Variants in LDLRAD4 observed in about 807,000 individuals in gnomAD.
The protein encoded by LDLRAD4 is low-density lipoprotein receptor class A domain-containing protein 4.
LDLRAD4 carries 5 observed loss-of-function variants against 17.0 expected under a neutral mutation model. The ratio of observed to expected loss-of-function variants is 0.29; its 90% CI spans 0.15 to 0.62. The LOEUF (loss-of-function observed/expected upper bound fraction) is 0.62, where lower values mean the gene tolerates loss of function less well. Among genes scored for constraint, LDLRAD4 ranks in the 20% least tolerant of loss-of-function variants. The probability of loss-of-function intolerance (pLI) is 0.84; values close to 1 mark genes in which losing one functional copy is unlikely to be tolerated. For synonymous variants in LDLRAD4, 168 were observed against 171.8 expected (o/e 0.98, Z 0.17); for missense variants, 340 against 424.7 (o/e 0.80, Z 1.75).
chr18:13,403,693 G>C (rs1374760620), intron 2 of LDLRAD4, among the ~76,000 whole-genome samples: 1 of 152,218 alleles, frequency 6.6e-6, no homozygotes, highest in Non-Finnish European at 1.5e-5. Flanking sequence ...TCTTTCAACA[G>C]GGGATGTTTT....
chr18:13,516,768 T>C (rs2093873779), intron 3 of LDLRAD4, among the ~76,000 whole-genome samples: 1 of 152,196 alleles, frequency 6.6e-6, no homozygotes, highest in African/African-American at 2.4e-5. Flanking sequence ...TCACGATGCT[T>C]CCTGACGGCA....
intron 1 of LDLRAD4, among the ~76,000 whole-genome samples, chr18:13,378,875 G>C (rs2085126582): frequency 6.6e-6 from 1 of 152,352 alleles, no homozygotes. Flanking sequence ...ACTAGGAGAT[G>C]AATCTGACGT....
At chr18:13,248,286 T>C (rs2043066180) in intron 1 of LDLRAD4, among the ~76,000 whole-genome samples, 1 of 152,232 alleles carries the variant, frequency 6.6e-6, no homozygotes, top group African/African-American at 2.4e-5. Context: ...TGAGCTGTGA[T>C]TGTAAGAGCT....
chr18:13,275,789 C>T (rs192558652), upstream of LDLRAD4, among the ~76,000 whole-genome samples: 4 of 152,136 alleles, frequency 2.6e-5, no homozygotes, highest in East Asian at 7.7e-4. Flanking sequence ...ATGTTAAAGG[C>T]CTCCCATGTG....
intron 3 of LDLRAD4, among the ~76,000 whole-genome samples, chr18:13,450,183 C>T (rs957320007): frequency 3.3e-5 from 5 of 152,176 alleles, no homozygotes; most frequent in Admixed American, 2.0e-4. Context: ...CTACCCGTGC[C>T]TCCCACTGAA....
At chr18:13,429,330 G>T (rs1020604759) in intron 2 of LDLRAD4, among the ~76,000 whole-genome samples, 13 of 152,234 alleles carry the variant, frequency 8.5e-5, no homozygotes, top group Admixed American at 8.5e-4. Context: ...CAGAAAACTT[G>T]TTTGCAGCAT....
At chr18:13,579,596 G>C (rs568380009) in intron 3 of LDLRAD4, among the ~76,000 whole-genome samples, 1 of 152,360 alleles carries the variant, frequency 6.6e-6, no homozygotes, top group African/African-American at 2.4e-5. Flanking sequence ...TGTAGTTAAA[G>C]TCTTCCTGGG....
chr18:13,597,219 T>G (rs1285050109), intron 3 of LDLRAD4, among the ~76,000 whole-genome samples: 2 of 152,184 alleles, frequency 1.3e-5, no homozygotes, highest in Non-Finnish European at 2.9e-5. Flanking sequence ...TTAAATAAAT[T>G]TCAGCATATC....
chr18:13,256,118 T>C (rs1325194481), intron 1 of LDLRAD4, among the ~76,000 whole-genome samples: 1 of 152,232 alleles, frequency 6.6e-6, no homozygotes, highest in Non-Finnish European at 1.5e-5. Context: ...GCACTTTGAT[T>C]CCCTGGGAGA....
intron 1 of LDLRAD4, among the ~76,000 whole-genome samples, chr18:13,221,450 G>A (rs901963489): frequency 4.6e-5 from 7 of 152,066 alleles, no homozygotes; most frequent in African/African-American, 1.7e-4. Context: ...CCTATATTAC[G>A]GGTGTACATG....
rs530375669 is a variant in LDLRAD4 at position 13,443,708 on chromosome 18, G to A, written c.181+5324G>A. Among the ~76,000 whole-genome samples the A allele has an allele frequency of 7.8e-3, 1,143 of 146,430 alleles. 5 individuals carry two copies. The highest frequency in any genetic ancestry group is 0.038 in the Middle Eastern group (11 of 292). Reference sequence around the variant, plus strand: ...CCCTCTTCCTGTCGTCGTCGTCGTCGTCTCCTCCTCCTCCTCCCCCTTCTC... The same window carrying A: ...CCCTCTTCCTGTCGTCGTCGTCGTCATCTCCTCCTCCTCCTCCCCCTTCTC... On this transcript the variant is annotated intron_variant, in intron 3 of 5. Coordinates refer to ENST00000359446, the Ensembl canonical transcript of LDLRAD4.
intron 3 of LDLRAD4, among the ~76,000 whole-genome samples, chr18:13,587,974 T>C (rs1393863547): frequency 6.6e-6 from 1 of 152,254 alleles, no homozygotes; most frequent in Admixed American, 6.5e-5. Context: ...ATTTCTTTAT[T>C]TTAGACTTCT....
At chr18:13,438,406 G>A (rs761831578) in intron 3 of LDLRAD4, 22 bp downstream of exon 4, 4 of 1,610,812 alleles carry the variant, frequency 2.5e-6, no homozygotes, top group South Asian at 2.2e-5. Context: ...CTCCCACCTG[G>A]GTGGCACTGT....
Position 13,471,889 on chromosome 18 carries a change from G to A in LDLRAD4, c.181+33505G>A, listed in dbSNP as rs546558990. On this transcript the variant is annotated intron_variant, in intron 3 of 5. Transcript: ENST00000359446. ...TATAGAATCTTTGGCACTATAAAAA[G>A]CATTTACCGCATAATTAATATCTAA... 6.6e-5 allele frequency: 10 copies of A among 152,352 alleles called. No homozygotes were observed. In the East Asian group the frequency reaches 1.9e-3, roughly 29 times the overall value. 9.4% of individuals were successfully genotyped at this position (152,352 alleles called of 1,614,324 possible).
At chr18:13,567,690 G>A (rs1346394041) in intron 3 of LDLRAD4, among the ~76,000 whole-genome samples, 1 of 151,740 alleles carries the variant, frequency 6.6e-6, no homozygotes, top group African/African-American at 2.4e-5. Flanking sequence ...GGTCATAATT[G>A]TGACGTTGGT....
intron 2 of LDLRAD4, among the ~76,000 whole-genome samples, chr18:13,412,314 A>T (rs1216843025): frequency 6.6e-6 from 1 of 152,102 alleles, no homozygotes; most frequent in Non-Finnish European, 1.5e-5. Context: ...CATGTCCTTT[A>T]CACCCAGCCT....
intron 3 of LDLRAD4, among the ~76,000 whole-genome samples, chr18:13,549,709 T>C (rs1342959019): frequency 6.6e-6 from 1 of 151,904 alleles, no homozygotes; most frequent in East Asian, 1.9e-4. Flanking sequence ...GGCTGGACCA[T>C]GTGTGCCGTA....
chr18:13,371,553 G>T (rs1197651415), intron 1 of LDLRAD4, among the ~76,000 whole-genome samples: 1 of 152,118 alleles, frequency 6.6e-6, no homozygotes, highest in Non-Finnish European at 1.5e-5. Context: ...TGGATCACTT[G>T]AGGTCAGGAG....
intron 1 of LDLRAD4, among the ~76,000 whole-genome samples, chr18:13,381,347 C>T (rs1455253311): frequency 3.3e-5 from 5 of 152,166 alleles, no homozygotes; most frequent in African/African-American, 7.2e-5. Context: ...GGGTTACAGG[C>T]GTGAGGCACC....
Sources: allele counts gnomAD v4.1 joint callset (sites outside exome capture counted in the v4.1 genomes callset), GRCh38; gene constraint gnomAD v4.1.1; transcripts MANE v1.5; gene names NCBI Gene and HGNC (gene_info 2026-07-23, HGNC 2026-07-21).